Variants in SMYD3 observed in about 807,000 individuals in gnomAD.
SMYD3 encodes the protein histone-lysine N-methyltransferase SMYD3.
SMYD3 carries 36 observed loss-of-function variants against 57.7 expected under a neutral mutation model. The ratio of observed to expected loss-of-function variants is 0.62; its 90% CI spans 0.48 to 0.82. The LOEUF (loss-of-function observed/expected upper bound fraction) is 0.82. Ranked by LOEUF, SMYD3 falls within the 40% of genes least tolerant of loss-of-function variation. The pLI, the probability that SMYD3 is intolerant of heterozygous loss-of-function variation, is 0.00. For synonymous variants in SMYD3, 211 were observed against 195.0 expected (o/e 1.08, Z -0.68); for missense variants, 515 against 538.8 (o/e 0.96, Z 0.44).
At chr1:246,301,869 A>G (rs983027610) in intron 5 of SMYD3, among the ~76,000 whole-genome samples, 2 of 152,210 alleles carry the variant, frequency 1.3e-5, no homozygotes, top group Non-Finnish European at 2.9e-5. Context: ...TCCGTATTAG[A>G]GAAGTTTAAG....
chr1:246,340,925 C>G (rs1265622254), intron 2 of SMYD3, among the ~76,000 whole-genome samples: 1 of 151,822 alleles, frequency 6.6e-6, no homozygotes, highest in African/African-American at 2.4e-5. Flanking sequence ...GAGGTCGAGA[C>G]TACAGTGAGC....
chr1:246,327,741 A>G (rs1329402849), intron 4 of SMYD3, among the ~76,000 whole-genome samples: 1 of 152,240 alleles, frequency 6.6e-6, no homozygotes, highest in Non-Finnish European at 1.5e-5. Context: ...TGACTAAACT[A>G]ATAAACAGCA....
intron 1 of SMYD3, among the ~76,000 whole-genome samples, chr1:246,382,029 C>T (rs111480356): frequency 4.0e-5 from 6 of 151,070 alleles, no homozygotes; most frequent in Non-Finnish European, 8.8e-5. Context: ...CAAATCCCTC[C>T]AGCTGACACC....
At chr1:245,793,081 C>G (rs755883914) in intron 10 of SMYD3, among the ~76,000 whole-genome samples, 3 of 62,580 alleles carry the variant, frequency 4.8e-5, no homozygotes, top group Non-Finnish European at 9.6e-5. Flanking sequence ...GAGGCCGAGG[C>G]GGGTGATCAC....
At position 245,956,050 on chromosome 1, in the gene SMYD3, A is replaced by G. The variant is rs551592515; in HGVS notation, c.532-26113T>C. On this transcript the variant is annotated intron_variant, in intron 5 of 11. Coordinates refer to ENST00000490107, the MANE Select transcript of SMYD3 (RefSeq NM_001167740.2). ...AAAAATTACAAATGACCCTATGTTC[A>G]TTACTAGGTTATACAAATAGATAAC... 24 of 984,786 alleles carry G rather than the reference A, an allele frequency of 2.4e-5. No individual in the cohort carries two copies. The African/African-American group carries it at 4.0e-4, about 16-fold the overall frequency. 61.0% of individuals were successfully genotyped at this position (984,786 alleles called of 1,614,324 possible).
chr1:245,815,609 T>C (rs2148310522), intron 10 of SMYD3, among the ~76,000 whole-genome samples: 1 of 152,358 alleles, frequency 6.6e-6, no homozygotes, highest in East Asian at 1.9e-4. Context: ...GCCAGATGGC[T>C]GGTGGTAGAA....
chr1:246,064,615 A>G (rs6666549), intron 5 of SMYD3, among the ~76,000 whole-genome samples: 37,541 of 151,934 alleles, frequency 0.25, 6,612 homozygotes, highest in African/African-American at 0.48. Flanking sequence ...TTATTGATCT[A>G]TCCCCTATAC....
At chr1:246,176,107 C>T (rs2062429589) in intron 5 of SMYD3, among the ~76,000 whole-genome samples, 6 of 152,168 alleles carry the variant, frequency 3.9e-5, no homozygotes, top group Admixed American at 3.3e-4. Context: ...TTATTTCGTT[C>T]CAGTACTCTC....
chr1:246,281,106 C>T (rs1363642997), intron 5 of SMYD3, among the ~76,000 whole-genome samples: 1 of 152,184 alleles, frequency 6.6e-6, no homozygotes, highest in Admixed American at 6.5e-5. Context: ...CACCTGCCCT[C>T]CAGGTACTTA....
At chr1:246,389,927 G>C (rs1438000229) in intron 1 of SMYD3, among the ~76,000 whole-genome samples, 1 of 152,158 alleles carries the variant, frequency 6.6e-6, no homozygotes, top group Non-Finnish European at 1.5e-5. Context: ...AGCTGCCGTG[G>C]TGAAAACTTT....
chr1:246,161,964 C>T (rs2062128642), intron 5 of SMYD3, among the ~76,000 whole-genome samples: 1 of 152,134 alleles, frequency 6.6e-6, no homozygotes, highest in Non-Finnish European at 1.5e-5. Context: ...ACAAAGATAA[C>T]AGCCTGGGTG....
chr1:246,337,044 C>T (rs969687127), intron 2 of SMYD3, among the ~76,000 whole-genome samples: 1 of 152,100 alleles, frequency 6.6e-6, no homozygotes, highest in Non-Finnish European at 1.5e-5. Context: ...CTATAATGGC[C>T]TTTCATATGA....
chr1:245,923,183 C>A lies in SMYD3; in HGVS notation c.702+4748G>T, dbSNP rs114753323. 3.7e-3 allele frequency among the ~76,000 whole-genome samples: 563 copies of A among 152,132 alleles called. 7 individuals are homozygous for A. Among genetic ancestry groups the A allele is most frequent in the African/African-American group, 0.012 (506 of 41,512 alleles). ...GAGTAAAATGTTTCGTTTGTGATATCCCAAATCTAACTCAGGGGTTAGAAT... is the reference window on the plus strand; with the variant it reads ...GAGTAAAATGTTTCGTTTGTGATATACCAAATCTAACTCAGGGGTTAGAAT... On this transcript the variant is annotated intron_variant, in intron 7 of 11. Coordinates refer to ENST00000490107, the MANE Select transcript of SMYD3 (RefSeq NM_001167740.2).
intron 5 of SMYD3, among the ~76,000 whole-genome samples, chr1:246,004,125 T>TA (rs1295303101): frequency 1.3e-5 from 2 of 152,216 alleles, no homozygotes; most frequent in Non-Finnish European, 2.9e-5. Context: ...CTGTGAGGAT[T>TA]AAATGGAAAT....
intron 1 of SMYD3, among the ~76,000 whole-genome samples, chr1:246,466,443 G>A (rs953297405): frequency 1.3e-5 from 2 of 152,138 alleles, no homozygotes; most frequent in African/African-American, 2.4e-5. Flanking sequence ...ACCAAATACT[G>A]CAGGTTCTTG....
In SMYD3 at chr1:246,170,947, T is replaced by G. The variant is rs567752390; in HGVS notation, c.531+156254A>C. 3.3e-5 allele frequency among the ~76,000 whole-genome samples: 5 copies of G among 152,344 alleles called. No homozygotes were observed. The South Asian group carries it at 1.0e-3, about 32-fold the overall frequency. ...TTTTTTATATGCAAAATTCATGTTATTTTTCAAACAACCCTCTAATTTTTT... is the reference window on the plus strand; with the variant it reads ...TTTTTTATATGCAAAATTCATGTTAGTTTTCAAACAACCCTCTAATTTTTT... On this transcript the variant is annotated intron_variant, in intron 5 of 11. Transcript: ENST00000490107.
At chr1:245,961,898 A>T (rs1441780470) in intron 5 of SMYD3, among the ~76,000 whole-genome samples, 2 of 152,196 alleles carry the variant, frequency 1.3e-5, no homozygotes, top group African/African-American at 4.8e-5. Flanking sequence ...GCTGCCGGAT[A>T]AAAGTTTTTT....
chr1:246,192,909 A>G (rs2062763188), intron 5 of SMYD3, among the ~76,000 whole-genome samples: 1 of 152,138 alleles, frequency 6.6e-6, no homozygotes, highest in Non-Finnish European at 1.5e-5. Context: ...TAAAGTCAAA[A>G]AAAAAAAAGA....
chr1:245,903,569 A>G (rs2054339317), intron 8 of SMYD3, among the ~76,000 whole-genome samples: 1 of 152,214 alleles, frequency 6.6e-6, no homozygotes. Flanking sequence ...CTATTGCGAA[A>G]AGGGGCACTG....
Sources: allele counts gnomAD v4.1 joint callset (sites outside exome capture counted in the v4.1 genomes callset), GRCh38; gene constraint gnomAD v4.1.1; transcripts MANE v1.5; gene names NCBI Gene and HGNC (gene_info 2026-07-23, HGNC 2026-07-21).